CSNK2A1: variants seen among roughly 807,000 people sequenced by gnomAD.
CSNK2A1 encodes casein kinase 2 alpha 1, also known as casein kinase II subunit alpha.
CSNK2A1 carries 10 observed loss-of-function variants against 62.9 expected under a neutral mutation model. The observed-to-expected ratio is 0.16, with a 90% CI of 0.10 to 0.27. The LOEUF is 0.27. Ranked by LOEUF, CSNK2A1 falls within the 10% of genes least tolerant of loss-of-function variation. The pLI is 1.00. For missense variants in CSNK2A1, 160 were observed against 492.0 expected (o/e 0.33, Z 6.38); for synonymous variants, 124 against 167.8 (o/e 0.74, Z 2.02).
intron 2 of CSNK2A1, among the ~76,000 whole-genome samples, chr20:521,020 T>C (rs1396789870): frequency 6.6e-6 from 1 of 152,160 alleles, no homozygotes; most frequent in Non-Finnish European, 1.5e-5. Context: ...TCAAACCTTC[T>C]TGCAACCAGG....
intron 4 of CSNK2A1, 108 bp from the exon 5 acceptor site, chr20:500,042 C>T (rs1326920045): frequency 1.0e-5 from 8 of 797,528 alleles, no homozygotes; most frequent in African/African-American, 1.7e-5. Flanking sequence ...TATGAGCACA[C>T]CTTGAAGGAA....
At chr20:495,846 G>C (rs376458228) in intron 7 of CSNK2A1, 44 bp from the exon 8 acceptor site, 6 of 1,523,298 alleles carry the variant, frequency 3.9e-6, no homozygotes, top group African/African-American at 1.4e-5. Flanking sequence ...TGAATAATAC[G>C]TAAGAGTCCT....
intron 11 of CSNK2A1, 182 bp downstream of exon 11, chr20:488,496 A>G: frequency 1.8e-6 from 1 of 557,704 alleles, no homozygotes; most frequent in Non-Finnish European, 3.1e-6. Flanking sequence ...TAATTTGAAT[A>G]AAGGGCCATT....
At position 482,542 on chromosome 20, in the gene CSNK2A1, C is replaced by T; in HGVS notation, c.*1419G>A. 6.6e-6 allele frequency: 1 copy of T among 152,122 alleles called. No homozygotes were observed. Among genetic ancestry groups the T allele is most frequent in the East Asian group, 1.9e-4 (1 of 5,178 alleles). The allele number at this position is 152,122 out of a possible 1,614,324, so 9.4% of individuals were successfully genotyped here. ...GCTTGTGGTGCTTTTTTTTTAAGGC[C>T]TCTCTGCTCTGCCCGGTACCATGGG... On this transcript the variant is annotated 3_prime_UTR_variant, in exon 14 of 14. Transcript: ENST00000217244.
At chr20:496,825 A>G (rs1164915573) in intron 7 of CSNK2A1, 1 of 152,228 alleles carries the variant, frequency 6.6e-6, no homozygotes, top group Non-Finnish European at 1.5e-5. Flanking sequence ...TTAGAAATGT[A>G]AGTAAATTTT....
At chr20:533,966 A>T (rs2019262703) in intron 1 of CSNK2A1, among the ~76,000 whole-genome samples, 1 of 152,228 alleles carries the variant, frequency 6.6e-6, no homozygotes, top group Admixed American at 6.5e-5. Flanking sequence ...ATAAAGTCAC[A>T]ATGTGAAACT....
chr20:487,258 C>T, intron 12 of CSNK2A1, 169 bp downstream of exon 12: 1 of 850,142 alleles, frequency 1.2e-6, no homozygotes, highest in Admixed American at 2.8e-5. Context: ...CAGAAGAATT[C>T]TTCCAGTAAT....
chr20:493,720 ATC>A (rs1292870538), intron 8 of CSNK2A1, among the ~76,000 whole-genome samples: 33 of 152,304 alleles, frequency 2.2e-4, no homozygotes, highest in African/African-American at 7.5e-4. Flanking sequence ...AGTTGATATA[ATC>A]TCCTCAACAA....
At chr20:510,773 G>A (rs1346142474) in intron 2 of CSNK2A1, among the ~76,000 whole-genome samples, 1 of 152,150 alleles carries the variant, frequency 6.6e-6, no homozygotes, top group Non-Finnish European at 1.5e-5. Context: ...CTAGAGTACA[G>A]TGGTCTGATC....
chr20:527,159 G>C (rs1036383967), intron 2 of CSNK2A1, among the ~76,000 whole-genome samples: 1 of 152,136 alleles, frequency 6.6e-6, no homozygotes, highest in Non-Finnish European at 1.5e-5. Flanking sequence ...AGATCCTACA[G>C]ATGGTAAAAA....
intron 2 of CSNK2A1, among the ~76,000 whole-genome samples, chr20:527,248 C>G (rs1188700317): frequency 6.6e-6 from 1 of 152,120 alleles, no homozygotes; most frequent in Non-Finnish European, 1.5e-5. Flanking sequence ...AAAACTGATA[C>G]AAGATCCCAG....
At chr20:492,160 T>C (rs1389922446) in intron 9 of CSNK2A1, 94 bp downstream of exon 9, 5 of 989,624 alleles carry the variant, frequency 5.1e-6, no homozygotes. Flanking sequence ...TTAAGTGGCC[T>C]ACCTAAATGC....
chr20:533,904 C>G (rs2019261690), intron 1 of CSNK2A1, among the ~76,000 whole-genome samples: 1 of 152,162 alleles, frequency 6.6e-6, no homozygotes, highest in African/African-American at 2.4e-5. Context: ...AGTACTGTCT[C>G]TTACAATATA....
chr20:532,169 CT>C (rs1327080907), intron 1 of CSNK2A1, among the ~76,000 whole-genome samples: 155 of 145,328 alleles, frequency 1.1e-3, no homozygotes, highest in Admixed American at 1.1e-3. Flanking sequence ...AAACTTTTAA[CT>C]TTTTTTTTTT....
At chr20:491,755 C>T (rs966256260) in intron 9 of CSNK2A1, among the ~76,000 whole-genome samples, 3 of 151,946 alleles carry the variant, frequency 2.0e-5, no homozygotes, top group Admixed American at 1.3e-4. Flanking sequence ...AACCCAGTCT[C>T]TACTAAAAAT....
At chr20:488,596 T>C (rs1363857213) in intron 11 of CSNK2A1, 82 bp downstream of exon 11, 1 of 1,380,302 alleles carries the variant, frequency 7.2e-7, no homozygotes, top group African/African-American at 1.4e-5. Flanking sequence ...AAAGAAAACA[T>C]AACTATTTTG....
At chr20:518,667 C>A (rs1416885250) in intron 2 of CSNK2A1, among the ~76,000 whole-genome samples, 2 of 151,764 alleles carry the variant, frequency 1.3e-5, no homozygotes, top group African/African-American at 4.8e-5. Flanking sequence ...CTGCCTCAGC[C>A]TCCCGAGTAG....
At chr20:505,638 A>G (rs1028198575) in intron 3 of CSNK2A1, among the ~76,000 whole-genome samples, 4 of 150,666 alleles carry the variant, frequency 2.7e-5, no homozygotes, top group African/African-American at 9.8e-5. Context: ...CTGGGATTAC[A>G]GGCGTGAGCC....
At chr20:489,934 T>C in intron 9 of CSNK2A1, 53 bp from the exon 10 acceptor site, 1 of 1,369,934 alleles carries the variant, frequency 7.3e-7, no homozygotes, top group Non-Finnish European at 9.7e-7. Flanking sequence ...GGCTTGTCAC[T>C]TCAAAATAAA....
Sources: allele counts gnomAD v4.1 joint callset (sites outside exome capture counted in the v4.1 genomes callset), GRCh38; gene constraint gnomAD v4.1.1; transcripts MANE v1.5; gene names NCBI Gene and HGNC (gene_info 2026-07-23, HGNC 2026-07-21).